The following ARHGAP28 variants were observed in gnomAD, a reference collection of about 807,000 sequenced individuals.
The protein encoded by ARHGAP28 is Rho GTPase activating protein 28.
ARHGAP28 carries 56 observed loss-of-function variants against 90.7 expected under a neutral mutation model. The observed-to-expected ratio is 0.62, with a 90% confidence interval of 0.50 to 0.77. The LOEUF (loss-of-function observed/expected upper bound fraction) is 0.77. Among genes scored for constraint, ARHGAP28 ranks in the 30% least tolerant of loss-of-function variants. The pLI is 0.00. For synonymous variants in ARHGAP28, 308 were observed against 323.3 expected, an observed-to-expected ratio of 0.95 and a Z score of 0.51; for missense variants, 869 against 900.9, an observed-to-expected ratio of 0.96 and a Z score of 0.45.
At chr18:6,807,882 G>A (rs757494524) in intron 1 of ARHGAP28, among the ~76,000 whole-genome samples, 17 of 152,156 alleles carry the variant, frequency 1.1e-4, no homozygotes, top group Non-Finnish European at 1.9e-4. Flanking sequence ...GCTCAGCTGG[G>A]TTCCCTGCTT....
At chr18:6,787,663 T>A (rs955986704) in intron 1 of ARHGAP28, among the ~76,000 whole-genome samples, 10 of 152,246 alleles carry the variant, frequency 6.6e-5, no homozygotes, top group Non-Finnish European at 1.3e-4. Flanking sequence ...GTCTGAATTT[T>A]AATCTGGTGG....
chr18:6,739,673 T>C (rs1050023693), intron 1 of ARHGAP28, among the ~76,000 whole-genome samples: 205 of 110,016 alleles, frequency 1.9e-3, no homozygotes, highest in Non-Finnish European at 2.5e-3. Context: ...CTCTCTCTCT[T>C]TCTTTCAGAA....
At chr18:6,863,220 AT>A (rs928935185) in intron 5 of ARHGAP28, among the ~76,000 whole-genome samples, 8 of 151,936 alleles carry the variant, frequency 5.3e-5, no homozygotes, top group Admixed American at 2.6e-4. Context: ...AATTCTTCTA[AT>A]GTTTCATCAT....
chr18:6,908,964 G>C lies in ARHGAP28; in HGVS notation c.2035G>C (p.Gly679Arg). 1 of 1,531,706 alleles carries C rather than the reference G, an allele frequency of 6.5e-7. No individual in the cohort carries two copies. The highest frequency in any genetic ancestry group is 1.1e-5 in the South Asian group (1 of 87,132). 94.9% of individuals were successfully genotyped at this position (1,531,706 alleles called of 1,614,324 possible). ...LAKFQYENSHGSSECIKIQNQ... is the reference protein window; with the variant it reads ...LAKFQYENSHRSSECIKIQNQ... ...TTATTTTCTCATTTTTTTCAGTCATGGTTCATCAGAATGTATTAAGATTCA... is the reference window on the plus strand; with the variant it reads ...TTATTTTCTCATTTTTTTCAGTCATCGTTCATCAGAATGTATTAAGATTCA... Residue 679 changes from glycine (G) to arginine (R), a missense_variant, in exon 17 of 18, where the codon GGT (glycine) becomes CGT (arginine). Coordinates refer to ENST00000383472, the MANE Select transcript of ARHGAP28 (RefSeq NM_001366230.1).
chr18:6,893,867 G>A (rs1247735763), intron 14 of ARHGAP28, among the ~76,000 whole-genome samples: 1 of 130,818 alleles, frequency 7.6e-6, no homozygotes. Flanking sequence ...TTGCTTTTTG[G>A]TTTTTTTTTT....
chr18:6,802,455 C>G (rs1041769682), intron 1 of ARHGAP28, among the ~76,000 whole-genome samples: 18 of 134,458 alleles, frequency 1.3e-4, no homozygotes, highest in African/African-American at 5.0e-4. Flanking sequence ...AATTAATTTT[C>G]CTGCTTCAGC....
rs1406315572 is a variant in ARHGAP28 at position 6,826,488 on chromosome 18, T to TTA, written c.325+1524_325+1525insTA. Among the ~76,000 whole-genome samples, 1,351 of 150,108 alleles carry TTA rather than the reference T, an allele frequency of 9.0e-3. 14 individuals carry two copies. The highest frequency in any genetic ancestry group is 0.031 in the African/African-American group (1,248 of 40,884). On this transcript the variant is annotated intron_variant, in intron 2 of 17. Transcript: ENST00000383472. ...TAGAAGCTCTTTAGTTTTTTTTTTT[T>TTA]AATTAAAATAGAGTTTATATCATTG...
At chr18:6,771,855 G>A (rs1330930640) in intron 1 of ARHGAP28, among the ~76,000 whole-genome samples, 1 of 152,132 alleles carries the variant, frequency 6.6e-6, no homozygotes, top group Admixed American at 6.5e-5. Flanking sequence ...AAAAGGTTAG[G>A]ACTGTTGTTC....
intron 16 of ARHGAP28, among the ~76,000 whole-genome samples, chr18:6,902,782 G>C (rs2057344705): frequency 6.6e-6 from 1 of 152,162 alleles, no homozygotes; most frequent in Non-Finnish European, 1.5e-5. Flanking sequence ...ATTACAAATA[G>C]AGTTACCATA....
chr18:6,849,071 G>A (rs995022972), intron 3 of ARHGAP28, among the ~76,000 whole-genome samples: 1 of 150,504 alleles, frequency 6.6e-6, no homozygotes, highest in Admixed American at 6.6e-5. Flanking sequence ...GTGAAAAAGC[G>A]AGAACCTGTC....
rs2057077048 is a variant in ARHGAP28, at chr18:6,870,711, G to C, written c.933G>C (p.Lys311Asn). The change falls in exon 7 of 18, where the codon AAG (lysine) becomes AAC (asparagine). Residue 311 changes from lysine to asparagine, a missense_variant. Transcript: ENST00000383472. Reference sequence around the variant, plus strand: ...ATAAACTTAAGAAATCAGAGATTAAGAAAGAAGACTATGTTTTAACTGTAA... The same window carrying C: ...ATAAACTTAAGAAATCAGAGATTAACAAAGAAGACTATGTTTTAACTGTAA... ...KRNKLKKSEI[K>N]KEDYVLTKFN... 6.2e-7 allele frequency: 1 copy of C among 1,608,820 alleles called. No individual in the cohort carries two copies. Among genetic ancestry groups the C allele is most frequent in the Non-Finnish European group, 8.5e-7 (1 of 1,178,650 alleles).
At chr18:6,797,042 G>T (rs1409199290) in intron 1 of ARHGAP28, among the ~76,000 whole-genome samples, 2 of 152,178 alleles carry the variant, frequency 1.3e-5, no homozygotes. Flanking sequence ...ATATGTATAT[G>T]ACCAACAAAT....
At chr18:6,801,985 C>T (rs1205764234) in intron 1 of ARHGAP28, among the ~76,000 whole-genome samples, 1 of 152,122 alleles carries the variant, frequency 6.6e-6, no homozygotes, top group Admixed American at 6.6e-5. Flanking sequence ...GTTTAATTCC[C>T]ACAAATGAGT....
Position 6,908,760 on chromosome 18 carries a change from G to A in ARHGAP28, c.2031-200G>A, listed in dbSNP as rs144555909. On this transcript the variant is annotated intron_variant, in intron 16 of 17. Transcript: ENST00000383472. ...TGCCCATCCTGGTGGGAGCAGTCCC[G>A]TCCTCCCTGGGCCTCAGCTTCTTGT... is the stretch of plus-strand genomic sequence containing the variant. 3.4e-4 allele frequency among the ~76,000 whole-genome samples: 52 copies of A among 152,250 alleles called. No individual in the cohort carries two copies. In the East Asian group the frequency reaches 3.5e-3, roughly 10 times the overall value.
rs556212690 is a variant in ARHGAP28, at chr18:6,835,410, A to G, written c.326-1787A>G. ...GCTGCCAATCATCAATTCACTTTTCATTTTTTTCTTAAAGGGACAGCTTAC... is the reference window on the plus strand; with the variant it reads ...GCTGCCAATCATCAATTCACTTTTCGTTTTTTTCTTAAAGGGACAGCTTAC... On this transcript the variant is annotated intron_variant, in intron 2 of 17. Coordinates refer to ENST00000383472, the MANE Select transcript of ARHGAP28 (RefSeq NM_001366230.1). 1.2e-3 allele frequency among the ~76,000 whole-genome samples: 177 copies of G among 152,164 alleles called. 1 individual carries two copies. Among genetic ancestry groups the G allele is most frequent in the African/African-American group, 4.1e-3 (169 of 41,520 alleles).
At chr18:6,827,397 G>A (rs553377170) in intron 2 of ARHGAP28, among the ~76,000 whole-genome samples, 4 of 146,634 alleles carry the variant, frequency 2.7e-5, no homozygotes, top group Non-Finnish European at 3.0e-5. Flanking sequence ...GAGATGGGGC[G>A]GCTGGCCGGG....
At position 6,910,989 on chromosome 18, in the gene ARHGAP28, C is replaced by T. The variant is rs11661846; in HGVS notation, c.2096-1071C>T. On this transcript the variant is annotated intron_variant, in intron 17 of 17. Coordinates refer to ENST00000383472, the MANE Select transcript of ARHGAP28 (RefSeq NM_001366230.1). ...CCTCCGGAGTAGCTGGGATTACAGGCGCCCATCACCACGCCCGGCTAATTT... is the reference window on the plus strand; with the variant it reads ...CCTCCGGAGTAGCTGGGATTACAGGTGCCCATCACCACGCCCGGCTAATTT... 6.1e-3 allele frequency among the ~76,000 whole-genome samples: 920 copies of T among 151,384 alleles called. 6 individuals carry two copies. Among genetic ancestry groups the T allele is most frequent in the South Asian group, 0.016 (79 of 4,804 alleles).
intron 3 of ARHGAP28, among the ~76,000 whole-genome samples, chr18:6,844,199 A>G (rs1449117643): frequency 6.6e-6 from 1 of 152,240 alleles, no homozygotes; most frequent in East Asian, 1.9e-4. Flanking sequence ...TATAACATAT[A>G]TATACATTTG....
At chr18:6,789,186 G>A (rs2056388028) in intron 1 of ARHGAP28, 2 of 152,236 alleles carry the variant, frequency 1.3e-5, no homozygotes, top group Admixed American at 6.5e-5. Context: ...GAGAGAGGAT[G>A]TGAGACCTTT....
Sources: gnomAD v4.1 joint callset for allele counts (sites outside exome capture counted in the v4.1 genomes callset) on GRCh38, gnomAD v4.1.1 for gene constraint, MANE v1.5 for transcripts, NCBI Gene and HGNC (gene_info 2026-07-23, HGNC 2026-07-21) for gene names.